PDE4D: variants seen among roughly 807,000 people sequenced by gnomAD.
PDE4D encodes the protein 3',5'-cyclic-AMP phosphodiesterase 4D.
In PDE4D, 24 loss-of-function variants were observed where a neutral mutation model predicts 87.4. That is an observed-to-expected ratio of 0.27 (90% CI 0.20 to 0.39). The LOEUF (loss-of-function observed/expected upper bound fraction) is 0.39. Among genes scored for constraint, PDE4D ranks in the 10% least tolerant of loss-of-function variants. The pLI, the probability that PDE4D is intolerant of heterozygous loss-of-function variation, is 1.00. For missense variants in PDE4D, 714 were observed against 1,041.0 expected, an observed-to-expected ratio of 0.69 and a Z score of 4.32; for synonymous variants, 384 against 383.2, an observed-to-expected ratio of 1.00 and a Z score of -0.02.
intron 3 of PDE4D, among the ~76,000 whole-genome samples, chr5:59,958,187 T>C (rs1004690699): frequency 5.3e-5 from 8 of 152,296 alleles, no homozygotes; most frequent in African/African-American, 1.9e-4. Flanking sequence ...ACAGTTTAAC[T>C]GTGATATTTT....
chr5:60,486,400 T>C (rs1301101667), intron 1 of PDE4D, among the ~76,000 whole-genome samples: 2 of 152,214 alleles, frequency 1.3e-5, no homozygotes, highest in Non-Finnish European at 2.9e-5. Flanking sequence ...TAAAGGAATG[T>C]ATTAAAATTA....
At chr5:60,343,633 G>A (rs1279818997) in intron 1 of PDE4D, among the ~76,000 whole-genome samples, 4 of 151,972 alleles carry the variant, frequency 2.6e-5, no homozygotes, top group Non-Finnish European at 5.9e-5. Context: ...TCCCTTGTCA[G>A]TTGACTTCTG....
chr5:59,966,608 G>A (rs1160155318), intron 3 of PDE4D, among the ~76,000 whole-genome samples: 2 of 152,170 alleles, frequency 1.3e-5, no homozygotes, highest in Non-Finnish European at 2.9e-5. Flanking sequence ...TTTTAAATAA[G>A]AGAAATGGTA....
chr5:59,229,628 A>G (rs1330111535), intron 1 of PDE4D, among the ~76,000 whole-genome samples: 1 of 152,334 alleles, frequency 6.6e-6, no homozygotes, highest in Middle Eastern at 3.4e-3. Context: ...TGCAGCTGCT[A>G]GTACCACTTC....
At chr5:59,768,698 G>C (rs1251266440) in intron 1 of PDE4D, 29 of 1,378,960 alleles carry the variant, frequency 2.1e-5, no homozygotes, top group African/African-American at 2.9e-5. Context: ...CCGCGGAAGC[G>C]TATTAAACGT....
At chr5:59,810,703 C>T (rs1390135597) in intron 1 of PDE4D, among the ~76,000 whole-genome samples, 3 of 152,164 alleles carry the variant, frequency 2.0e-5, no homozygotes, top group African/African-American at 4.8e-5. Flanking sequence ...GCAGAAGCCC[C>T]GCCTATTTTG....
At chr5:59,607,088 T>C (rs1408280855) in intron 1 of PDE4D, among the ~76,000 whole-genome samples, 3 of 152,142 alleles carry the variant, frequency 2.0e-5, no homozygotes, top group Admixed American at 6.6e-5. Context: ...TTACTGACGT[T>C]CTGCTTATGT....
intron 1 of PDE4D, among the ~76,000 whole-genome samples, chr5:59,244,926 A>G (rs1198364741): frequency 6.6e-6 from 1 of 151,832 alleles, no homozygotes; most frequent in East Asian, 1.9e-4. Context: ...TGTGTATTTT[A>G]TAAAATATTA....
intron 1 of PDE4D, among the ~76,000 whole-genome samples, chr5:59,825,405 T>G (rs1423496716): frequency 6.6e-6 from 1 of 152,108 alleles, no homozygotes; most frequent in African/African-American, 2.4e-5. Flanking sequence ...TCTGCCTTGT[T>G]GGTGGTGGCA....
At chr5:59,248,657 A>T (rs956857701) in intron 1 of PDE4D, among the ~76,000 whole-genome samples, 1 of 151,194 alleles carries the variant, frequency 6.6e-6, no homozygotes, top group Non-Finnish European at 1.5e-5. Context: ...AATGGGTTGC[A>T]CCAGAGTTCT....
intron 1 of PDE4D, among the ~76,000 whole-genome samples, chr5:59,693,407 T>C (rs1751280379): frequency 6.6e-6 from 1 of 152,094 alleles, no homozygotes; most frequent in Non-Finnish European, 1.5e-5. Flanking sequence ...GAGTTATATA[T>C]TAAAAGTGGT....
At chr5:59,232,660 C>T (rs1581512468) in intron 1 of PDE4D, among the ~76,000 whole-genome samples, 1 of 151,994 alleles carries the variant, frequency 6.6e-6, no homozygotes, top group African/African-American at 2.4e-5. Context: ...CCAGCAATCC[C>T]CCTACTGGGT....
At chr5:59,030,433 A>AC (rs1454240349) in intron 6 of PDE4D, among the ~76,000 whole-genome samples, 86 of 150,566 alleles carry the variant, frequency 5.7e-4, no homozygotes, top group African/African-American at 1.9e-3. Context: ...AAAAAAAAAA[A>AC]AAAAAAAAAA....
At chr5:60,492,683 A>C (rs946733328), upstream of PDE4D, among the ~76,000 whole-genome samples, 2 of 152,116 alleles carry the variant, frequency 1.3e-5, no homozygotes, top group African/African-American at 2.4e-5. Context: ...ATAGGTGGGA[A>C]CTGAACAATG....
intron 1 of PDE4D, among the ~76,000 whole-genome samples, chr5:59,513,020 G>A (rs1450426043): frequency 6.6e-6 from 1 of 151,982 alleles, no homozygotes; most frequent in Non-Finnish European, 1.5e-5. Flanking sequence ...AAGTCTAAAT[G>A]TGTTCTTTTT....
intron 2 of PDE4D, among the ~76,000 whole-genome samples, chr5:59,206,619 T>A (rs1312243602): frequency 6.6e-6 from 1 of 152,200 alleles, no homozygotes; most frequent in East Asian, 1.9e-4. Context: ...CAAGAATTTT[T>A]AAAAATTAAA....
intron 2 of PDE4D, among the ~76,000 whole-genome samples, chr5:60,100,253 C>T (rs1369276577): frequency 6.6e-6 from 1 of 151,760 alleles, no homozygotes; most frequent in Non-Finnish European, 1.5e-5. Context: ...TATAGAAACA[C>T]TGAAAAAATA....
At chr5:59,912,600 G>C (rs1427736414) in intron 3 of PDE4D, among the ~76,000 whole-genome samples, 1 of 152,154 alleles carries the variant, frequency 6.6e-6, no homozygotes, top group Non-Finnish European at 1.5e-5. Context: ...GTGGCTGGTG[G>C]AAAGTCTGTA....
intron 5 of PDE4D, among the ~76,000 whole-genome samples, chr5:59,098,112 C>T (rs1190138963): frequency 6.6e-6 from 1 of 152,090 alleles, no homozygotes; most frequent in African/African-American, 2.4e-5. Context: ...ATAATATTCC[C>T]CCTCCCAATT....
Sources: allele counts gnomAD v4.1 joint callset (sites outside exome capture counted in the v4.1 genomes callset), GRCh38; gene constraint gnomAD v4.1.1; transcripts MANE v1.5; gene names NCBI Gene and HGNC (gene_info 2026-07-23, HGNC 2026-07-21).